The following ZNF587B variants were observed in gnomAD, a reference collection of about 807,000 sequenced individuals.
ZNF587B encodes the protein zinc finger protein 587B.
ZNF587B carries 6 observed loss-of-function variants against 7.2 expected under a neutral mutation model. That is an observed-to-expected ratio of 0.83 (90% confidence interval 0.46 to 1.65). The LOEUF is 1.65. Among genes scored for constraint, ZNF587B ranks in the 40% most tolerant of loss-of-function variants. The pLI is 0.01. For synonymous variants in ZNF587B, 274 were observed against 254.3 expected (o/e 1.08, Z -0.74); for missense variants, 749 against 761.0 (o/e 0.98, Z 0.19).
In ZNF587B at chr19:57,841,660, G is replaced by A; in HGVS notation, c.986G>A (p.Gly329Glu). Residue 329 changes from glycine to glutamate, a missense_variant, in exon 3 of 3, where the codon GGA becomes GAA. By Grantham distance (98) the Gly-to-Glu change is moderately conservative. This residue lies in a region of ZNF587B where 656 missense variants were observed against 596.5 expected (regional missense o/e 1.10). Coordinates refer to ENST00000594901, the MANE Select transcript of ZNF587B (RefSeq NM_001376223.1). The part of the protein sequence containing the change: ...VHAGKGPYEC[G>E]ECGKSFSSNV... ...GCTGGAAAAGGGCCTTATGAGTGTG[G>A]AGAATGTGGGAAATCTTTTAGTTCA... 6.2e-7 allele frequency: 1 copy of A among 1,603,524 alleles called. No homozygotes were observed. The highest frequency in any genetic ancestry group is 2.2e-5 in the East Asian group (1 of 44,450).
rs1164322333 is a variant in ZNF587B, at chr19:57,845,394, GC to G, written c.*2819del. 6.6e-6 allele frequency: 1 copy of G among 152,170 alleles called. No individual in the cohort carries two copies. Among genetic ancestry groups the G allele is most frequent in the Non-Finnish European group, 1.5e-5 (1 of 68,032 alleles). The allele number at this position is 152,170 out of a possible 1,614,324, so 9.4% of individuals were successfully genotyped here. On this transcript the variant is annotated 3_prime_UTR_variant, in exon 3 of 3. Transcript: ENST00000594901. ...ATAATAATGAATGTTGTGTAGCTAA[GC>G]TTTGGTCAGAGGAAATAATCTAAAG... is the stretch of plus-strand genomic sequence containing the variant.
chr19:57,840,555 A>C (rs1988800533), intron 2 of ZNF587B, among the ~76,000 whole-genome samples: 1 of 152,162 alleles, frequency 6.6e-6, no homozygotes, highest in Non-Finnish European at 1.5e-5. Context: ...TGAGGACATA[A>C]ATTCTGCAGA....
rs759753945 is a variant in ZNF587B, at chr19:57,842,262, T to A, written c.1588T>A (p.Ser530Thr). The change falls in exon 3 of 3, where the codon TCA becomes ACA. Residue 530 changes from serine to threonine, a missense_variant. Physicochemically the swap from Ser to Thr is moderately conservative, Grantham distance 58 (BLOSUM62 1). Around this residue, in one of 3 missense-constraint regions of ZNF587B, gnomAD observed 656 missense variants for 596.5 expected, o/e 1.10. Transcript: ENST00000594901. ...ATATGAATGCAGTGATTGTGGGAAG[T>A]CATTTACCCACAGCTGTGCATTCAT... is the stretch of plus-strand genomic sequence containing the variant. ...RPYECSDCGKSFTHSCAFIVH... is the reference protein window; with the variant it reads ...RPYECSDCGKTFTHSCAFIVH... 6.2e-6 allele frequency: 10 copies of A among 1,613,340 alleles called. No homozygotes were observed. The highest frequency in any genetic ancestry group is 8.5e-6 in the Non-Finnish European group (10 of 1,179,512).
chr19:57,830,346 G>A lies in ZNF587B; in HGVS notation c.-183G>A. On this transcript the variant is annotated 5_prime_UTR_variant, in exon 1 of 3. Transcript: ENST00000594901. ...CGGAGAGGCTCCTGAGCGCTAGGTC[G>A]GCACTGCGGTGACTGAACCCAGAAG... 1.7e-6 allele frequency: 1 copy of A among 590,876 alleles called. No homozygotes were observed. Among genetic ancestry groups the A allele is most frequent in the South Asian group, 2.2e-5 (1 of 45,446 alleles). The allele number at this position is 590,876 out of a possible 1,614,324, so 36.6% of individuals were successfully genotyped here. A position where few individuals can be genotyped will look rare whatever the true frequency, so the allele number is the denominator to read the frequency against.
At chr19:57,838,992 T>G in intron 1 of ZNF587B, 31 bp from the exon 2 acceptor site, 3 of 1,607,410 alleles carry the variant, frequency 1.9e-6, no homozygotes, top group Non-Finnish European at 2.6e-6. Flanking sequence ...ATAGGGGTGG[T>G]TTGTGGTTTC....
At position 57,841,910 on chromosome 19, in the gene ZNF587B, T is replaced by C. The variant is rs1480090647; in HGVS notation, c.1236T>C (p.Cys412=). 2 of 1,613,638 alleles carry C rather than the reference T, an allele frequency of 1.2e-6. No individual in the cohort carries two copies. The highest frequency in any genetic ancestry group is 2.7e-5 in the African/African-American group (2 of 74,858). ...RMHTGERPYK[C]GDCGKSFNEK... is the part of the protein sequence containing the mutation. ...ACACTGGAGAAAGACCTTACAAGTG[T>C]GGAGACTGTGGGAAATCTTTTAATG... Residue 412 remains cysteine (C), a synonymous_variant, in exon 3 of 3, where the codon TGT becomes TGC. Coordinates refer to ENST00000594901, the MANE Select transcript of ZNF587B (RefSeq NM_001376223.1).
chr19:57,831,062 A>C (rs1489903420), intron 1 of ZNF587B, among the ~76,000 whole-genome samples: 4 of 152,222 alleles, frequency 2.6e-5, no homozygotes, highest in Non-Finnish European at 4.4e-5. Context: ...GGGCGTTATC[A>C]ATCAGACGAA....
At position 57,841,548 on chromosome 19, in the gene ZNF587B, C is replaced by T. The variant is rs544417120; in HGVS notation, c.874C>T (p.His292Tyr). 7.6e-6 allele frequency: 12 copies of T among 1,580,636 alleles called. No homozygotes were observed. The South Asian group carries it at 1.3e-4, about 17-fold the overall frequency. Residue 292 changes from histidine to tyrosine, a missense_variant, in exon 3 of 3, where the codon CAC becomes TAC. His to Tyr is a moderately conservative substitution (Grantham distance 83, BLOSUM62 2). Coordinates refer to ENST00000594901, the MANE Select transcript of ZNF587B (RefSeq NM_001376223.1). Reference sequence around the variant, plus strand: ...CAGCCTCATTCAACATCAGCAATTTCACACTGGAGGAAAACCTTATGGGTG... The same window carrying T: ...CAGCCTCATTCAACATCAGCAATTTTACACTGGAGGAAAACCTTATGGGTG... The part of the protein sequence containing the change: ...KSSLIQHQQF[H>Y]TGGKPYGCEE...
chr19:57,842,143 G>GT lies in ZNF587B; in HGVS notation c.1469_1470insT (p.Glu491ArgfsTer7), dbSNP rs1203492180. The GT allele has an allele frequency of 1.2e-6, 2 of 1,612,328 alleles. No homozygotes were observed. The highest frequency in any genetic ancestry group is 2.7e-5 in the African/African-American group (2 of 75,000). On this transcript the variant is annotated frameshift_variant, in exon 3 of 3. Coordinates refer to ENST00000594901, the MANE Select transcript of ZNF587B (RefSeq NM_001376223.1). LOFTEE classifies it low-confidence loss of function (END_TRUNC). ...CTTGTACACCAGAGAATTCACAGTG[G>GT]AGAGAAGCCATATGCTTGTGAGGCT...
intron 1 of ZNF587B, among the ~76,000 whole-genome samples, chr19:57,836,959 A>AT (rs1491529335): frequency 3.3e-5 from 3 of 90,656 alleles, no homozygotes; most frequent in Non-Finnish European, 4.5e-5. Flanking sequence ...AGACTCCGTC[A>AT]TAAAAAAAAA....
At chr19:57,840,372 A>G (rs553116471) in intron 2 of ZNF587B, among the ~76,000 whole-genome samples, 5 of 152,130 alleles carry the variant, frequency 3.3e-5, no homozygotes, top group African/African-American at 1.2e-4. Flanking sequence ...TGGACCCCAA[A>G]TCTCATCCAT....
In ZNF587B at chr19:57,842,363, C is replaced by T. The variant is rs925964725; in HGVS notation, c.1689C>T (p.Ser563=). 3 of 1,605,106 alleles carry T rather than the reference C, an allele frequency of 1.9e-6. No homozygotes were observed. The highest frequency in any genetic ancestry group is 1.7e-5 in the Admixed American group (1 of 58,938). Residue 563 remains serine (S), a synonymous_variant, in exon 3 of 3, where the codon TCC becomes TCT. Coordinates refer to ENST00000594901, the MANE Select transcript of ZNF587B (RefSeq NM_001376223.1). ...SECGKSFAAS[S]YLTSHRRVHT... is the part of the protein sequence containing the mutation. ...GTGGGAAATCTTTTGCTGCAAGCTC[C>T]TATCTCACTAGTCACAGGAGAGTTC...
chr19:57,841,303 G>A lies in ZNF587B; in HGVS notation c.629G>A (p.Gly210Glu). 3.1e-6 allele frequency: 5 copies of A among 1,613,740 alleles called. No homozygotes were observed. Among genetic ancestry groups the A allele is most frequent in the Non-Finnish European group, 4.2e-6 (5 of 1,179,840 alleles). Residue 210 changes from glycine to glutamate, a missense_variant, in exon 3 of 3, where the codon GGG (glycine) becomes GAG (glutamate). Gly to Glu is a moderately conservative substitution (Grantham distance 98). This residue lies in a region of ZNF587B where 656 missense variants were observed against 596.5 expected (regional missense o/e 1.10). Transcript: ENST00000594901. ...GAGTGTGTGTCTCCCTTTCAGTGTG[G>A]GGGAGCTCACTATAGCCATGGAGAT... ...KTECVSPFQC[G>E]GAHYSHGDSM...
chr19:57,840,075 CAAAAAAAAAAAAAAAAAAAAAAAAAAAAA>C (rs774635301), intron 2 of ZNF587B, among the ~76,000 whole-genome samples: 2 of 81,076 alleles, frequency 2.5e-5, no homozygotes, highest in South Asian at 9.5e-4. Flanking sequence ...ACTCTGTCTC[CAAAAAAAAAAAAAAAAAAAAAAAAAAAAA>C]AAAAAAAAGC....
Position 57,845,744 on chromosome 19 carries a change from T to C in ZNF587B, c.*3168T>C, listed in dbSNP as rs903940578. The C allele has an allele frequency of 6.6e-6, 1 of 152,244 alleles. No homozygotes were observed. The highest frequency in any genetic ancestry group is 2.4e-5 in the African/African-American group (1 of 41,468). 9.4% of individuals were successfully genotyped at this position (152,244 alleles called of 1,614,324 possible). On this transcript the variant is annotated 3_prime_UTR_variant, in exon 3 of 3. Transcript: ENST00000594901. Reference sequence around the variant, plus strand: ...GTAATAAGGTATAGGCTGAGCATCATGGCTCATGCCTGTATTCCCAGCACT... The same window carrying C: ...GTAATAAGGTATAGGCTGAGCATCACGGCTCATGCCTGTATTCCCAGCACT...
At chr19:57,831,067 G>C (rs541842097) in intron 1 of ZNF587B, among the ~76,000 whole-genome samples, 5 of 152,326 alleles carry the variant, frequency 3.3e-5, no homozygotes, top group African/African-American at 1.2e-4. Context: ...TTATCAATCA[G>C]ACGAATTCCT....
Position 57,845,046 on chromosome 19 carries a change from G to A in ZNF587B, c.*2470G>A, listed in dbSNP as rs1389505752. ...GGCTAGAGTGCTGTTGCACCATCTC[G>A]GCTCACTGCAACCTGTGCCTTCTGG... On this transcript the variant is annotated 3_prime_UTR_variant, in exon 3 of 3. Coordinates refer to ENST00000594901, the MANE Select transcript of ZNF587B (RefSeq NM_001376223.1). The A allele has an allele frequency of 1.3e-5, 2 of 150,920 alleles. No individual in the cohort carries two copies. Among genetic ancestry groups the A allele is most frequent in the African/African-American group, 2.4e-5 (1 of 40,950 alleles). 9.3% of individuals were successfully genotyped at this position (150,920 alleles called of 1,614,324 possible). A position where few individuals can be genotyped will look rare whatever the true frequency, so the allele number is the denominator to read the frequency against.
At position 57,830,475 on chromosome 19, in the gene ZNF587B, A is replaced by G. The variant is rs12983990; in HGVS notation, c.-54A>G. ...CCAGGATAGGGACCGTCATGCCCAT[A>G]TCTCCTGGCTGGTCACCCTCTCCTC... On this transcript the variant is annotated 5_prime_UTR_variant, in exon 1 of 3. It adds an upstream start codon to the 5' untranslated region. Transcript: ENST00000594901. 248,030 of 1,544,084 alleles carry G rather than the reference A, an allele frequency of 0.16. 20,212 individuals carry two copies. Among genetic ancestry groups the G allele is most frequent in the Non-Finnish European group, 0.17 (189,324 of 1,144,452 alleles).
chr19:57,830,562 C>T lies in ZNF587B; in HGVS notation c.34C>T (p.Gln12Ter), dbSNP rs1267606399. The T allele has an allele frequency of 1.9e-6, 3 of 1,550,230 alleles. No individual in the cohort carries two copies. The highest frequency in any genetic ancestry group is 1.4e-5 in the African/African-American group (1 of 73,104). ...GGTGGCCACGCTGAGGCTCTCTGCT[C>T]AGGTAATTGTGGTGCCTTCCATGCC... Reference protein sequence around the residue: ...AVVATLRLSAQGTVTFEDVAV... With the variant: ...AVVATLRLSA Residue 12 changes from glutamine (Q) to a stop codon, truncating the protein, a stop_gained and splice_region_variant, in exon 1 of 3, where the codon CAG (glutamine) becomes TAG (stop). Coordinates refer to ENST00000594901, the MANE Select transcript of ZNF587B (RefSeq NM_001376223.1). LOFTEE classifies it high-confidence loss of function.
Sources: allele counts gnomAD v4.1 joint callset (sites outside exome capture counted in the v4.1 genomes callset), GRCh38; gene constraint gnomAD v4.1.1; regional missense constraint gnomAD v4.1.1; transcripts MANE v1.5; gene names NCBI Gene and HGNC (gene_info 2026-07-23, HGNC 2026-07-21).